ITSN2: variants seen among roughly 807,000 people sequenced by gnomAD.
The protein encoded by ITSN2 is intersectin 2.
ITSN2 carries 156 observed loss-of-function variants against 243.7 expected under a neutral mutation model. The observed-to-expected ratio is 0.64, with a 90% CI of 0.56 to 0.73. The LOEUF (loss-of-function observed/expected upper bound fraction) is 0.73. ITSN2 is among the 30% of genes least tolerant of loss of function. The probability of loss-of-function intolerance (pLI) is 0.00; values close to 1 mark genes in which losing one functional copy is unlikely to be tolerated. For missense variants in ITSN2, 1,801 were observed against 1,996.1 expected (o/e 0.90, Z 1.86); for synonymous variants, 703 against 699.9 (o/e 1.00, Z -0.07).
intron 27 of ITSN2, 142 bp from the exon 28 acceptor site, chr2:24,247,035 G>A (rs1673464306): frequency 1.7e-6 from 1 of 605,962 alleles, no homozygotes; most frequent in African/African-American, 1.9e-5. Flanking sequence ...TTTGCCCTCA[G>A]CTCCTGGAAA....
At chr2:24,347,354 G>T (rs559286391) in intron 1 of ITSN2, among the ~76,000 whole-genome samples, 1 of 150,808 alleles carries the variant, frequency 6.6e-6, no homozygotes, top group Non-Finnish European at 1.5e-5. Context: ...GGCTATAGGA[G>T]ATAGGATATG....
intron 11 of ITSN2, among the ~76,000 whole-genome samples, chr2:24,300,886 T>A (rs1259267355): frequency 6.6e-6 from 1 of 152,154 alleles, no homozygotes; most frequent in Non-Finnish European, 1.5e-5. Context: ...TTTCCTCTAA[T>A]AACTCAGCCT....
rs908479437 is a variant in ITSN2 at position 24,225,873 on chromosome 2, T to C, written c.3578-4807A>G. Among the ~76,000 whole-genome samples, 1 of 152,132 alleles carries C rather than the reference T, an allele frequency of 6.6e-6. No individual in the cohort carries two copies. The highest frequency in any genetic ancestry group is 1.9e-4 in the East Asian group (1 of 5,192). On this transcript the variant is annotated intron_variant, in intron 29 of 39. Transcript: ENST00000355123. The surrounding 1 kb of genome is among the most constrained non-coding windows in gnomAD (Gnocchi z 4.2). ...AACATCTTTTTTGTCCTGAGAAAAG[T>C]CCTGATGAACTGAGGAATTCGGGTT...
chr2:24,277,516 G>C (rs1678164662), intron 17 of ITSN2, among the ~76,000 whole-genome samples: 2 of 152,104 alleles, frequency 1.3e-5, no homozygotes, highest in African/African-American at 2.4e-5. Context: ...TCAGCTTCTA[G>C]GGTTTTATTT....
At chr2:24,266,800 G>T (rs1676706777) in intron 20 of ITSN2, among the ~76,000 whole-genome samples, 4 of 151,644 alleles carry the variant, frequency 2.6e-5, no homozygotes, top group African/African-American at 9.7e-5. Context: ...AGCCAGGTGT[G>T]GTGGTGTGTG....
chr2:24,295,163 A>C (rs2151624208), intron 14 of ITSN2, among the ~76,000 whole-genome samples: 1 of 152,350 alleles, frequency 6.6e-6, no homozygotes, highest in Middle Eastern at 3.4e-3. Context: ...ATATTAAGCA[A>C]AACTTAACCA....
Position 24,203,704 on chromosome 2 carries a change from C to T in ITSN2, c.5016G>A (p.Leu1672=). Reference sequence around the variant, plus strand: ...CCCCGGTGGGGACCTCATGCAGCAGCAGTCGGCGGGTCATAGGGCCTTTGC... The same window carrying T: ...CCCCGGTGGGGACCTCATGCAGCAGTAGTCGGCGGGTCATAGGGCCTTTGC... ...QESKGPMTRR[L]LLHEVPTGEV... The change falls in exon 40 of 40, where the codon CTG becomes CTA. Residue 1672 remains leucine (L), a synonymous_variant. Transcript: ENST00000355123. 1.9e-6 allele frequency: 3 copies of T among 1,614,190 alleles called. No individual in the cohort carries two copies. The highest frequency in any genetic ancestry group is 2.5e-6 in the Non-Finnish European group (3 of 1,180,044).
intron 20 of ITSN2, 67 bp from the exon 21 acceptor site, chr2:24,261,809 A>T (rs1675912380): frequency 2.5e-6 from 3 of 1,198,782 alleles, no homozygotes. Flanking sequence ...AAAGAGATGA[A>T]AACTATTGTA....
intron 15 of ITSN2, 103 bp downstream of exon 15, chr2:24,293,585 A>G: frequency 2.0e-6 from 1 of 504,128 alleles, no homozygotes. Flanking sequence ...AAAAAGTGTT[A>G]TTTATAACAG....
chr2:24,295,472 A>G (rs1456465804), intron 14 of ITSN2, among the ~76,000 whole-genome samples, 192 bp downstream of exon 14: 1 of 151,900 alleles, frequency 6.6e-6, no homozygotes, highest in African/African-American at 2.4e-5. Flanking sequence ...ATACCCAGCT[A>G]ATTTTTTTGT....
At chr2:24,276,137 A>G (rs1677988680) in intron 17 of ITSN2, among the ~76,000 whole-genome samples, 1 of 152,238 alleles carries the variant, frequency 6.6e-6, no homozygotes, top group South Asian at 2.1e-4. Flanking sequence ...ATCATTTTCA[A>G]TTAAAAAAAG....
chr2:24,336,311 C>T (rs1028714624), intron 1 of ITSN2, among the ~76,000 whole-genome samples: 5 of 150,562 alleles, frequency 3.3e-5, no homozygotes, highest in Admixed American at 6.6e-5. Context: ...ACTAACTGTA[C>T]ATTATGAATA....
chr2:24,345,963 G>C (rs954874351), intron 1 of ITSN2, among the ~76,000 whole-genome samples: 1 of 152,128 alleles, frequency 6.6e-6, no homozygotes, highest in Non-Finnish European at 1.5e-5. Flanking sequence ...AGGGTTTTAT[G>C]TATATATTTG....
intron 1 of ITSN2, among the ~76,000 whole-genome samples, chr2:24,354,033 T>C (rs1487828979): frequency 1.3e-5 from 2 of 152,240 alleles, no homozygotes; most frequent in African/African-American, 2.4e-5. Context: ...AAAACTTACA[T>C]TTTGATATAA....
chr2:24,337,697 A>G (rs973556621), intron 1 of ITSN2, among the ~76,000 whole-genome samples: 6 of 128,454 alleles, frequency 4.7e-5, no homozygotes, highest in African/African-American at 1.8e-4. Flanking sequence ...TACATTACCC[A>G]GGCTAGACTC....
chr2:24,272,034 G>C, intron 18 of ITSN2, 93 bp from the exon 19 acceptor site: 1 of 1,070,740 alleles, frequency 9.3e-7, no homozygotes, highest in Non-Finnish European at 1.3e-6. Context: ...TCAAGGTGAA[G>C]AACTAGCAAT....
intron 3 of ITSN2, 106 bp from the exon 4 acceptor site, chr2:24,313,629 T>A (rs911757013): frequency 4.6e-6 from 3 of 658,776 alleles, no homozygotes; most frequent in African/African-American, 3.7e-5. Context: ...ATAATTTTAA[T>A]ACCAATCATT....
Position 24,313,401 on chromosome 2 carries a change from T to C in ITSN2, c.188+59A>G, listed in dbSNP as rs558471071. On this transcript the variant is annotated intron_variant, in intron 4 of 39. Transcript: ENST00000355123. ...ACTAAAAACAATTTTATGTTAACAC[T>C]ATATTACAAAAAAACAAAATACTAT... 1.5e-4 allele frequency: 205 copies of C among 1,372,546 alleles called. No individual in the cohort carries two copies. In the Middle Eastern group the frequency reaches 3.2e-3, roughly 21 times the overall value. The allele number at this position is 1,372,546 out of a possible 1,614,324, so 85.0% of individuals were successfully genotyped here.
In ITSN2 at chr2:24,203,047, T is replaced by C. The variant is rs751636386; in HGVS notation, c.*579A>G. The C allele has an allele frequency of 6.6e-6, 1 of 152,664 alleles. No individual in the cohort carries two copies. Among genetic ancestry groups the C allele is most frequent in the Non-Finnish European group, 1.5e-5 (1 of 68,054 alleles). The allele number at this position is 152,664 out of a possible 1,614,324, so 9.5% of individuals were successfully genotyped here. A position where few individuals can be genotyped will look rare whatever the true frequency, so the allele number is the denominator to read the frequency against. ...GAGTTCACAGTATTTAAATCAAGCT[T>C]TCCCACTTATACTCCAGACTATATT... On this transcript the variant is annotated 3_prime_UTR_variant, in exon 40 of 40. Transcript: ENST00000355123.
Sources: allele counts gnomAD v4.1 joint callset (sites outside exome capture counted in the v4.1 genomes callset), GRCh38; gene constraint gnomAD v4.1.1; non-coding constraint Gnocchi (gnomAD v3.1); transcripts MANE v1.5; gene names NCBI Gene and HGNC (gene_info 2026-07-23, HGNC 2026-07-21).